MYO1F: variants seen among roughly 807,000 people sequenced by gnomAD.
MYO1F encodes the protein myosin IF.
MYO1F carries 60 observed loss-of-function variants against 146.6 expected under a neutral mutation model. That is an observed-to-expected ratio of 0.41 (90% CI 0.33 to 0.51). The LOEUF is 0.51. Among genes scored for constraint, MYO1F ranks in the 20% least tolerant of loss-of-function variants. The pLI is 0.25. For synonymous variants in MYO1F, 602 were observed against 602.1 expected (o/e 1.00, Z 0.00); for missense variants, 1,274 against 1,534.3 (o/e 0.83, Z 2.83).
intron 1 of MYO1F, among the ~76,000 whole-genome samples, chr19:8,573,193 C>G (rs541170367): frequency 1.1e-4 from 16 of 152,246 alleles, no homozygotes; most frequent in African/African-American, 2.9e-4. Context: ...CGCCTGTAGT[C>G]CCAGCTACTC....
intron 12 of MYO1F, among the ~76,000 whole-genome samples, chr19:8,545,969 C>T (rs1264517919): frequency 6.6e-6 from 1 of 152,074 alleles, no homozygotes; most frequent in African/African-American, 2.4e-5. Context: ...CCTCGCTTCT[C>T]CGCTCTATGA....
At chr19:8,532,075 G>A (rs554086558) in intron 19 of MYO1F, among the ~76,000 whole-genome samples, 18 of 151,834 alleles carry the variant, frequency 1.2e-4, no homozygotes, top group Admixed American at 5.9e-4. Context: ...CGGAGATTGC[G>A]CCACTGCACT....
At chr19:8,558,672 C>T (rs888277801) in intron 1 of MYO1F, among the ~76,000 whole-genome samples, 3 of 152,092 alleles carry the variant, frequency 2.0e-5, no homozygotes, top group Admixed American at 6.6e-5. Flanking sequence ...GGAGTGATGG[C>T]AACTTGGAGC....
chr19:8,568,069 C>T (rs752451929), intron 1 of MYO1F, among the ~76,000 whole-genome samples: 15 of 152,184 alleles, frequency 9.9e-5, no homozygotes, highest in Non-Finnish European at 1.6e-4. Context: ...CATTCTCTCC[C>T]TCTCTATCCT....
chr19:8,530,611 T>G lies in MYO1F; in HGVS notation c.2044-38A>C, dbSNP rs114211438. On this transcript the variant is annotated intron_variant, in intron 19 of 27. Coordinates refer to ENST00000644032, the MANE Select transcript of MYO1F (RefSeq NM_012335.4). This position sits in a 1 kb window ranked among gnomAD's most constrained non-coding sequence, Gnocchi z 5.8. ...CGTGGGGGGCAAGGGTGAGTCCTGG[T>G]GTCTCCCCAGGGGCTGCAGTTCCGG... 3,028 of 1,514,626 alleles carry G rather than the reference T, an allele frequency of 2.0e-3. 59 individuals are homozygous for G. In the African/African-American group the frequency reaches 0.038, roughly 19 times the overall value. 93.8% of individuals were successfully genotyped at this position (1,514,626 alleles called of 1,614,324 possible). A position where few individuals can be genotyped will look rare whatever the true frequency, so the allele number is the denominator to read the frequency against.
intron 6 of MYO1F, among the ~76,000 whole-genome samples, chr19:8,552,915 G>A (rs1181694068): frequency 6.6e-6 from 1 of 152,176 alleles, no homozygotes. Context: ...ATTTAAGAAT[G>A]TTACACAGGG....
At chr19:8,529,897 T>A in intron 21 of MYO1F, 1 of 533,170 alleles carries the variant, frequency 1.9e-6, no homozygotes, top group Non-Finnish European at 3.4e-6. Context: ...TGGGCAGGTG[T>A]GCCTGGGCTA....
At chr19:8,553,894 A>ACACACACACACACACACACACACT in intron 4 of MYO1F, among the ~76,000 whole-genome samples, 35 of 102,664 alleles carry the variant, frequency 3.4e-4, no homozygotes, top group African/African-American at 8.8e-4. Flanking sequence ...ACACACACAC[A>ACACACACACACACACACACACACT]CTCTCTCTCT....
chr19:8,542,311 G>A (rs1345226233), intron 14 of MYO1F, among the ~76,000 whole-genome samples: 5 of 140,952 alleles, frequency 3.5e-5, no homozygotes, highest in South Asian at 4.8e-4. Flanking sequence ...GCCGGGGGGC[G>A]GTGAAAGTTA....
Position 8,521,408 on chromosome 19 carries a change from C to A in MYO1F, c.*120G>T. On this transcript the variant is annotated 3_prime_UTR_variant, in exon 28 of 28. Coordinates refer to ENST00000644032, the MANE Select transcript of MYO1F (RefSeq NM_012335.4). The stretch of plus-strand genomic sequence containing the variant: ...CTGGGCAGGACTGGAGGCCAAAGGA[C>A]TGGACTTTTAGGCTATTGCAGCCCA... The A allele has an allele frequency of 9.2e-7, 1 of 1,084,720 alleles. No homozygotes were observed. The allele number at this position is 1,084,720 out of a possible 1,614,324, so 67.2% of individuals were successfully genotyped here.
chr19:8,577,107 C>G lies in MYO1F; in HGVS notation c.3+200G>C. 1 of 672,478 alleles carries G rather than the reference C, an allele frequency of 1.5e-6. No individual in the cohort carries two copies. Among genetic ancestry groups the G allele is most frequent in the South Asian group, 1.7e-5 (1 of 58,282 alleles). The allele number at this position is 672,478 out of a possible 1,614,324, so 41.7% of individuals were successfully genotyped here. ...ATCCAGGGATACCACCCTGGCATCC[C>G]CACCACCTACAGATGGGAGCTTGCT... On this transcript the variant is annotated intron_variant, in intron 1 of 27. Transcript: ENST00000644032. This position sits in a 1 kb window ranked among gnomAD's most constrained non-coding sequence, Gnocchi z 4.3.
chr19:8,541,427 T>TG (rs1972963886), intron 15 of MYO1F, among the ~76,000 whole-genome samples: 90 of 71,386 alleles, frequency 1.3e-3, no homozygotes, highest in Middle Eastern at 0.014. Flanking sequence ...GTGTGTGTGT[T>TG]TTTTTTTTTT....
intron 6 of MYO1F, among the ~76,000 whole-genome samples, chr19:8,552,387 T>TA (rs1973652046): frequency 6.6e-6 from 1 of 151,980 alleles, no homozygotes; most frequent in Non-Finnish European, 1.5e-5. Flanking sequence ...GCCTCCTGAG[T>TA]AGCTGGGACT....
intron 27 of MYO1F, 138 bp downstream of exon 27, chr19:8,522,239 G>C (rs962350328): frequency 1.0e-4 from 109 of 1,068,230 alleles, no homozygotes; most frequent in Non-Finnish European, 1.4e-4. Flanking sequence ...AGCCAGGATG[G>C]TCTCGATCTC....
intron 1 of MYO1F, among the ~76,000 whole-genome samples, chr19:8,557,242 G>A (rs151131407): frequency 7.2e-4 from 110 of 152,098 alleles, no homozygotes; most frequent in African/African-American, 2.6e-3. Flanking sequence ...CTGATATTTC[G>A]CCACTACACT....
At chr19:8,565,194 G>T (rs2041980868) in intron 1 of MYO1F, among the ~76,000 whole-genome samples, 1 of 151,978 alleles carries the variant, frequency 6.6e-6, no homozygotes, top group Non-Finnish European at 1.5e-5. Flanking sequence ...ACCACGCCTG[G>T]CTCATTTCAT....
rs376387166 is a variant in MYO1F, at chr19:8,550,567, A to G, written c.899T>C (p.Val300Ala). ...TCCCTGATACCCACACTCACGGTCC[A>G]CACTCTCCACTCGGGCGTAATTCCC... is the stretch of plus-strand genomic sequence containing the variant. Reference protein sequence around the residue: ...EDGNYARVESVDLLAFPAYLL... With the variant: ...EDGNYARVESADLLAFPAYLL... Residue 300 changes from valine (V) to alanine (A), a missense_variant, in exon 9 of 28, where the codon GTG becomes GCG. Val to Ala is a moderately conservative substitution (Grantham distance 64). Transcript: ENST00000644032. 8.9e-5 allele frequency: 143 copies of G among 1,613,984 alleles called. No homozygotes were observed. The highest frequency in any genetic ancestry group is 1.2e-4 in the Non-Finnish European group (136 of 1,180,034).
intron 5 of MYO1F, 52 bp from the exon 6 acceptor site, chr19:8,553,280 A>C: frequency 6.2e-7 from 1 of 1,610,310 alleles, no homozygotes; most frequent in Non-Finnish European, 8.5e-7. Flanking sequence ...GCAGGAGTGC[A>C]GATGGGTGGG....
Position 8,574,591 on chromosome 19 carries a change from C to G in MYO1F, c.3+2716G>C, listed in dbSNP as rs868987920. Among the ~76,000 whole-genome samples, 126 of 84,104 alleles carry G rather than the reference C, an allele frequency of 1.5e-3. 1 individual carries two copies. Among genetic ancestry groups the G allele is most frequent in the African/African-American group, 6.0e-3 (118 of 19,790 alleles). The allele number at this position is 84,104 out of a possible 152,430, so 55.2% of individuals were successfully genotyped here. On this transcript the variant is annotated intron_variant, in intron 1 of 27. Coordinates refer to ENST00000644032, the MANE Select transcript of MYO1F (RefSeq NM_012335.4). ...TCTTTCTTTCTTTCTCTCTCTCTCT[C>G]TCTCTCTTTCTTTCTTTCTTTCTTT... is the stretch of plus-strand genomic sequence containing the variant.
Sources: gnomAD v4.1 joint callset for allele counts (sites outside exome capture counted in the v4.1 genomes callset) on GRCh38, gnomAD v4.1.1 for gene constraint, Gnocchi (gnomAD v3.1) non-coding constraint, MANE v1.5 for transcripts, NCBI Gene and HGNC (gene_info 2026-07-23, HGNC 2026-07-21) for gene names.